GRIK4: variants seen among roughly 807,000 people sequenced by gnomAD.
GRIK4 encodes glutamate receptor ionotropic, kainate 4.
In GRIK4, 40 loss-of-function variants were observed where a neutral mutation model predicts 104.9. That is an observed-to-expected ratio of 0.38 (90% CI 0.30 to 0.50). The LOEUF (loss-of-function observed/expected upper bound fraction) is 0.50. Among genes scored for constraint, GRIK4 ranks in the 20% least tolerant of loss-of-function variants. The probability of loss-of-function intolerance (pLI) is 0.93; values close to 1 mark genes in which losing one functional copy is unlikely to be tolerated. For missense variants in GRIK4, 1,047 were observed against 1,308.1 expected (o/e 0.80, Z 3.08); for synonymous variants, 485 against 524.9 (o/e 0.92, Z 1.04).
At chr11:120,899,537 C>G (rs553644008) in intron 12 of GRIK4, among the ~76,000 whole-genome samples, 2 of 152,126 alleles carry the variant, frequency 1.3e-5, no homozygotes, top group African/African-American at 4.8e-5. Context: ...CTGCCATGTG[C>G]CAGGTGCTGT....
intron 1 of GRIK4, among the ~76,000 whole-genome samples, chr11:120,628,921 C>T (rs1176800951): frequency 6.6e-6 from 1 of 152,202 alleles, no homozygotes; most frequent in African/African-American, 2.4e-5. Context: ...CAGTACTTGC[C>T]TTACGCTGTG....
At chr11:120,525,938 C>T (rs1355804730) in intron 1 of GRIK4, among the ~76,000 whole-genome samples, 4 of 152,180 alleles carry the variant, frequency 2.6e-5, no homozygotes, top group Admixed American at 1.3e-4. Flanking sequence ...AAAACCTAAT[C>T]TCACAGGGTT....
At chr11:120,563,905 TG>T (rs1948273593) in intron 1 of GRIK4, among the ~76,000 whole-genome samples, 1 of 152,230 alleles carries the variant, frequency 6.6e-6, no homozygotes, top group Non-Finnish European at 1.5e-5. Flanking sequence ...AGTCACCGTC[TG>T]GGCCCCCTCT....
chr11:120,531,877 G>A (rs1947927586), intron 1 of GRIK4, among the ~76,000 whole-genome samples: 1 of 151,962 alleles, frequency 6.6e-6, no homozygotes, highest in Admixed American at 6.6e-5. Flanking sequence ...TGCCCAGCCT[G>A]CCTGTTTCTC....
At chr11:120,775,353 C>G (rs1828042541) in intron 3 of GRIK4, among the ~76,000 whole-genome samples, 1 of 152,142 alleles carries the variant, frequency 6.6e-6, no homozygotes, top group African/African-American at 2.4e-5. Flanking sequence ...ACCTGAGAGA[C>G]ACAGCTGGGT....
intron 8 of GRIK4, among the ~76,000 whole-genome samples, chr11:120,849,473 A>G (rs1273369613): frequency 6.6e-6 from 1 of 152,238 alleles, no homozygotes; most frequent in Non-Finnish European, 1.5e-5. Flanking sequence ...CCAATTATTC[A>G]CAATCAAGAG....
At chr11:120,686,346 C>T (rs964926870) in intron 3 of GRIK4, among the ~76,000 whole-genome samples, 2 of 152,226 alleles carry the variant, frequency 1.3e-5, no homozygotes, top group Admixed American at 6.5e-5. Flanking sequence ...TCCAAATCAG[C>T]TTTCACACAA....
At chr11:120,728,299 A>G (rs1324891370) in intron 3 of GRIK4, among the ~76,000 whole-genome samples, 1 of 152,202 alleles carries the variant, frequency 6.6e-6, no homozygotes, top group African/African-American at 2.4e-5. Context: ...TGTGAACATG[A>G]GCCAAGGATT....
chr11:120,528,341 G>A (rs1046566164), intron 1 of GRIK4, among the ~76,000 whole-genome samples: 3 of 152,134 alleles, frequency 2.0e-5, no homozygotes, highest in Non-Finnish European at 2.9e-5. Flanking sequence ...TTGATCTCCT[G>A]ACCTCATGAT....
chr11:120,756,553 A>T (rs1951654610), intron 3 of GRIK4, among the ~76,000 whole-genome samples: 2 of 152,214 alleles, frequency 1.3e-5, no homozygotes, highest in Non-Finnish European at 2.9e-5. Flanking sequence ...TCCATGAGCC[A>T]TACTGGACTC....
At chr11:120,746,484 C>T (rs1565328454) in intron 3 of GRIK4, among the ~76,000 whole-genome samples, 1 of 152,088 alleles carries the variant, frequency 6.6e-6, no homozygotes, top group Non-Finnish European at 1.5e-5. Flanking sequence ...GCAAACTGCT[C>T]CTTCCTCCAG....
chr11:120,910,671 A>G lies in GRIK4; in HGVS notation c.1476+5178A>G, dbSNP rs1942971081. 2.0e-5 allele frequency among the ~76,000 whole-genome samples: 3 copies of G among 152,242 alleles called. No individual in the cohort carries two copies. The South Asian group carries it at 6.2e-4, about 31-fold the overall frequency. On this transcript the variant is annotated intron_variant, in intron 13 of 20. Coordinates refer to ENST00000527524, the MANE Select transcript of GRIK4 (RefSeq NM_014619.5). ...CATGCCAGTACATTTACATGGATGT[A>G]TAAACAGTTTTGGTGAAACTGTTCA...
Position 120,952,964 on chromosome 11 carries a change from G to A in GRIK4, c.1700G>A (p.Arg567Gln). Residue 567 changes from arginine (R) to glutamine (Q), a missense_variant and splice_region_variant, in exon 15 of 21, where the codon CGG becomes CAG. Arg to Gln is a conservative substitution (Grantham distance 43). Transcript: ENST00000527524. The surrounding 1 kb of genome is among the most constrained non-coding windows in gnomAD (Gnocchi z 5.2). ...AVSCVLFLVA[R>Q]LTPYEWYSPH... ...AGCTGTGTCCTCTTCCTGGTGGCTC[G>A]GTACTCTCCTCTTCCCTTCCCTGTC... is the stretch of plus-strand genomic sequence containing the variant. 3.1e-6 allele frequency: 5 copies of A among 1,594,150 alleles called. No individual in the cohort carries two copies. The highest frequency in any genetic ancestry group is 4.3e-6 in the Non-Finnish European group (5 of 1,162,130).
intron 3 of GRIK4, among the ~76,000 whole-genome samples, chr11:120,670,706 T>A (rs200465504): frequency 6.6e-6 from 1 of 151,532 alleles, no homozygotes; most frequent in African/African-American, 2.4e-5. Context: ...TTCTTTTTTT[T>A]ATTTTTATTT....
chr11:120,875,785 C>G (rs1954770827), intron 11 of GRIK4, among the ~76,000 whole-genome samples: 1 of 152,156 alleles, frequency 6.6e-6, no homozygotes, highest in South Asian at 2.1e-4. Flanking sequence ...TTCAGCTCCC[C>G]ACTCCTTTGC....
chr11:120,623,387 A>G (rs914632734), intron 1 of GRIK4, among the ~76,000 whole-genome samples: 3 of 151,762 alleles, frequency 2.0e-5, no homozygotes, highest in Non-Finnish European at 2.9e-5. Context: ...CCCGCCTTGG[A>G]CTCCCAAAGT....
At position 120,590,031 on chromosome 11, in the gene GRIK4, A is replaced by G. The variant is rs926753538; in HGVS notation, c.-158-63654A>G. Among the ~76,000 whole-genome samples the G allele has an allele frequency of 3.3e-5, 5 of 152,316 alleles. No individual in the cohort carries two copies. The Middle Eastern group carries it at 0.01, about 311-fold the overall frequency. ...TTTGACCCATGCATCCTGCTGGTTC[A>G]AGGACATAGCTGTGTCCAAGGCCAA... is the stretch of plus-strand genomic sequence containing the variant. On this transcript the variant is annotated intron_variant, in intron 1 of 20. Coordinates refer to ENST00000527524, the MANE Select transcript of GRIK4 (RefSeq NM_014619.5).
intron 16 of GRIK4, among the ~76,000 whole-genome samples, chr11:120,958,684 G>A (rs547950190): frequency 2.0e-4 from 30 of 152,218 alleles, no homozygotes; most frequent in African/African-American, 5.5e-4. Context: ...CAGCAGAGCC[G>A]ATGGGTTTGC....
chr11:120,751,597 G>T (rs1296646169), intron 3 of GRIK4, among the ~76,000 whole-genome samples: 4 of 152,280 alleles, frequency 2.6e-5, no homozygotes, highest in African/African-American at 9.6e-5. Flanking sequence ...AGGTTTCTGG[G>T]CCCAGGTTCT....
Sources: gnomAD v4.1 joint callset for allele counts (sites outside exome capture counted in the v4.1 genomes callset) on GRCh38, gnomAD v4.1.1 for gene constraint, Gnocchi (gnomAD v3.1) non-coding constraint, MANE v1.5 for transcripts, NCBI Gene and HGNC (gene_info 2026-07-23, HGNC 2026-07-21) for gene names.